Variants in SLC12A8 observed in about 807,000 individuals in gnomAD.
The protein encoded by SLC12A8 is solute carrier family 12 member 8.
Under a neutral mutation model 75.6 loss-of-function variants are expected in SLC12A8, and 69 were observed. The ratio of observed to expected loss-of-function variants is 0.91; its 90% CI spans 0.75 to 1.11. The LOEUF is 1.11. SLC12A8 is among the 50% of genes most tolerant of loss of function. The pLI, the probability that SLC12A8 is intolerant of heterozygous loss-of-function variation, is 0.00. For synonymous variants in SLC12A8, 365 were observed against 372.8 expected, an observed-to-expected ratio of 0.98 and a Z score of 0.24; for missense variants, 877 against 896.7, an observed-to-expected ratio of 0.98 and a Z score of 0.28.
intron 5 of SLC12A8, among the ~76,000 whole-genome samples, chr3:125,140,002 T>C (rs11709950): frequency 6.6e-6 from 1 of 152,168 alleles, no homozygotes; most frequent in Non-Finnish European, 1.5e-5. Flanking sequence ...GCACGTGAGA[T>C]TGTCCCGCCA....
At chr3:125,122,518 T>C (rs1933090327) in intron 6 of SLC12A8, among the ~76,000 whole-genome samples, 1 of 152,180 alleles carries the variant, frequency 6.6e-6, no homozygotes, top group Non-Finnish European at 1.5e-5. Context: ...TTCCCATGAA[T>C]GTCTGGAACA....
intron 2 of SLC12A8, among the ~76,000 whole-genome samples, chr3:125,193,447 C>G (rs1934945780): frequency 6.6e-6 from 1 of 152,204 alleles, no homozygotes; most frequent in Admixed American, 6.5e-5. Context: ...ATTTGTGATG[C>G]CATTCAGACT....
chr3:125,190,146 CTG>C (rs1456803151), intron 3 of SLC12A8, among the ~76,000 whole-genome samples: 3 of 152,232 alleles, frequency 2.0e-5, no homozygotes, highest in African/African-American at 7.2e-5. Context: ...TGCTCCTATT[CTG>C]CAGTTAAATC....
chr3:125,106,393 C>T (rs1877579), intron 10 of SLC12A8, among the ~76,000 whole-genome samples: 7,630 of 151,638 alleles, frequency 0.05, 617 homozygotes, highest in African/African-American at 0.17. Flanking sequence ...GATGGAGTCT[C>T]ACTCTGTCAC....
chr3:125,095,585 T>C (rs1938693480), intron 10 of SLC12A8, among the ~76,000 whole-genome samples: 1 of 152,218 alleles, frequency 6.6e-6, no homozygotes, highest in Admixed American at 6.5e-5. Flanking sequence ...AGCAACAGAA[T>C]GTGAACAGAA....
intron 5 of SLC12A8, among the ~76,000 whole-genome samples, chr3:125,141,592 T>C (rs1460326746): frequency 6.6e-6 from 1 of 152,076 alleles, no homozygotes; most frequent in Non-Finnish European, 1.5e-5. Context: ...AGTCGGGAAG[T>C]CATACCCCTC....
chr3:125,187,311 C>T lies in SLC12A8; in HGVS notation c.316G>A (p.Val106Ile), dbSNP rs775399116. Residue 106 changes from valine (V) to isoleucine (I), a missense_variant, in exon 4 of 14, where the codon GTC (valine) becomes ATC (isoleucine). Val to Ile is a conservative substitution (Grantham distance 29, BLOSUM62 3). Coordinates refer to ENST00000469902, the MANE Select transcript of SLC12A8 (RefSeq NM_024628.6). ...GERSSIGSGG[V>I]YSMISSVLGG... ...AGGACCGAGGAGATCATGGAGTAGA[C>T]GCCACCGCTGCCGATGCTGCTGCGC... is the stretch of plus-strand genomic sequence containing the variant. The T allele has an allele frequency of 2.7e-5, 44 of 1,614,196 alleles. No homozygotes were observed. The highest frequency in any genetic ancestry group is 6.6e-5 in the South Asian group (6 of 91,080).
At chr3:125,106,150 G>A (rs189499673) in intron 10 of SLC12A8, among the ~76,000 whole-genome samples, 1 of 152,216 alleles carries the variant, frequency 6.6e-6, no homozygotes, top group East Asian at 1.9e-4. Flanking sequence ...AATAGAGAAG[G>A]GTAAAAGGGG....
intron 2 of SLC12A8, among the ~76,000 whole-genome samples, chr3:125,191,043 C>T (rs1240560102): frequency 6.6e-6 from 1 of 152,190 alleles, no homozygotes; most frequent in African/African-American, 2.4e-5. Flanking sequence ...ATTTGGCCAA[C>T]CTTACTGAAG....
At chr3:125,198,272 A>G (rs962044197) in intron 2 of SLC12A8, among the ~76,000 whole-genome samples, 1 of 151,458 alleles carries the variant, frequency 6.6e-6, no homozygotes, top group African/African-American at 2.4e-5. Context: ...AAAAAAAACA[A>G]AACAGTCAAG....
intron 10 of SLC12A8, among the ~76,000 whole-genome samples, chr3:125,099,778 A>G (rs1301407043): frequency 6.6e-6 from 1 of 152,114 alleles, no homozygotes; most frequent in Middle Eastern, 3.2e-3. Flanking sequence ...AAAATAAAAA[A>G]TTAGCTGAGC....
At chr3:125,106,753 G>A (rs560615039) in intron 10 of SLC12A8, among the ~76,000 whole-genome samples, 22 of 152,308 alleles carry the variant, frequency 1.4e-4, no homozygotes, top group Admixed American at 7.8e-4. Flanking sequence ...GTAGAGGAAA[G>A]TACATGGGCC....
At chr3:125,146,318 T>C (rs1298397293) in intron 5 of SLC12A8, among the ~76,000 whole-genome samples, 2 of 152,154 alleles carry the variant, frequency 1.3e-5, no homozygotes, top group Non-Finnish European at 2.9e-5. Context: ...AGTTTCTGTT[T>C]GGGGTGATGA....
At chr3:125,165,492 A>C (rs1397039494) in intron 5 of SLC12A8, among the ~76,000 whole-genome samples, 1 of 152,110 alleles carries the variant, frequency 6.6e-6, no homozygotes, top group Non-Finnish European at 1.5e-5. Flanking sequence ...CACAAAGGAG[A>C]CTCGGGGACA....
intron 10 of SLC12A8, among the ~76,000 whole-genome samples, chr3:125,095,702 G>A (rs1031005054): frequency 6.6e-6 from 1 of 152,196 alleles, no homozygotes; most frequent in East Asian, 1.9e-4. Context: ...ACTCAGTCTT[G>A]ATTCTTCACA....
chr3:125,207,797 T>C (rs1935253916), intron 2 of SLC12A8, among the ~76,000 whole-genome samples: 1 of 152,196 alleles, frequency 6.6e-6, no homozygotes, highest in Admixed American at 6.5e-5. Flanking sequence ...CTGCACTGGC[T>C]GTTTCTTTCT....
intron 12 of SLC12A8, among the ~76,000 whole-genome samples, chr3:125,089,538 A>G (rs1404330281): frequency 6.6e-6 from 1 of 151,828 alleles, no homozygotes; most frequent in African/African-American, 2.4e-5. Context: ...TATTCTATCC[A>G]TGAAGTCAGC....
chr3:125,201,438 C>A (rs1367827383), intron 2 of SLC12A8, among the ~76,000 whole-genome samples: 2 of 151,810 alleles, frequency 1.3e-5, no homozygotes, highest in African/African-American at 2.4e-5. Context: ...TAAATAGGAC[C>A]TTTCTCCCAA....
chr3:125,187,449 G>T lies in SLC12A8; in HGVS notation c.199-21C>A, dbSNP rs570841244. 4.1e-5 allele frequency: 66 copies of T among 1,610,986 alleles called. No homozygotes were observed. The East Asian group carries it at 1.2e-3, about 30-fold the overall frequency. ...TTTCCCTGCAGCAGAATAGCAAGGA[G>T]CAAGGTTGGATTAGGTGAGGAGGCC... On this transcript the variant is annotated intron_variant, in intron 3 of 13. Coordinates refer to ENST00000469902, the MANE Select transcript of SLC12A8 (RefSeq NM_024628.6).
Sources: allele counts gnomAD v4.1 joint callset (sites outside exome capture counted in the v4.1 genomes callset), GRCh38; gene constraint gnomAD v4.1.1; transcripts MANE v1.5; gene names NCBI Gene and HGNC (gene_info 2026-07-23, HGNC 2026-07-21).